SHTN1: variants seen among roughly 807,000 people sequenced by gnomAD.
The protein encoded by SHTN1 is shootin 1.
Under a neutral mutation model 83.1 loss-of-function variants are expected in SHTN1, and 42 were observed. The ratio of observed to expected loss-of-function variants is 0.51; its 90% CI spans 0.39 to 0.65. The LOEUF (loss-of-function observed/expected upper bound fraction) is 0.65, where lower values mean the gene tolerates loss of function less well. SHTN1 is among the 30% of genes least tolerant of loss of function. The probability of loss-of-function intolerance (pLI) is 0.00; values close to 1 mark genes in which losing one functional copy is unlikely to be tolerated. For missense variants in SHTN1, 622 were observed against 737.8 expected (o/e 0.84, Z 1.82); for synonymous variants, 224 against 247.7 (o/e 0.90, Z 0.90).
chr10:116,904,712 A>G (rs976954867), intron 15 of SHTN1, among the ~76,000 whole-genome samples: 4 of 152,214 alleles, frequency 2.6e-5, no homozygotes, highest in Non-Finnish European at 5.9e-5. Flanking sequence ...GAATTATTCA[A>G]ATTTCTATAT....
At chr10:117,005,200 G>GC, upstream of SHTN1, 1 of 1,523,956 alleles carries the variant, frequency 6.6e-7, no homozygotes, top group Non-Finnish European at 8.8e-7. Context: ...AGTTGGATCC[G>GC]CTCCCGCTCC....
At chr10:117,111,217 GAC>G (rs1385373803) in intron 1 of SHTN1, among the ~76,000 whole-genome samples, 2 of 151,984 alleles carry the variant, frequency 1.3e-5, no homozygotes, top group Non-Finnish European at 2.9e-5. Flanking sequence ...GAAAACAAAA[GAC>G]ACAGATTGCT....
chr10:116,924,746 A>ATTTTTTTTTTT lies in SHTN1; in HGVS notation c.1112+3035_1112+3045dup, dbSNP rs201343735. On this transcript the variant is annotated intron_variant, in intron 11 of 16. Coordinates refer to ENST00000355371, the MANE Select transcript of SHTN1 (RefSeq NM_001127211.3). ...ACATTTCAGTGGAGAATTTTCACCT[A>ATTTTTTTTTTT]TTTTTTTTTTTTTTTTTTTTTTTTT... Among the ~76,000 whole-genome samples, 4 of 89,538 alleles carry ATTTTTTTTTTT rather than the reference A, an allele frequency of 4.5e-5. No individual in the cohort carries two copies. The South Asian group carries it at 1.7e-3, about 39-fold the overall frequency. 58.7% of individuals were successfully genotyped at this position (89,538 alleles called of 152,430 possible).
intron 1 of SHTN1, among the ~76,000 whole-genome samples, chr10:116,983,691 CATACAT>C (rs1564913748): frequency 4.4e-4 from 6 of 13,568 alleles, no homozygotes; most frequent in South Asian, 3.5e-3. Flanking sequence ...TAGATAAATA[CATACAT>C]ACATACATAC....
intron 1 of SHTN1, among the ~76,000 whole-genome samples, chr10:117,102,696 GA>G (rs902834385): frequency 6.6e-6 from 1 of 151,912 alleles, no homozygotes; most frequent in Non-Finnish European, 1.5e-5. Flanking sequence ...AAAGGCAGGT[GA>G]AAAAGTTAAC....
intron 1 of SHTN1, among the ~76,000 whole-genome samples, chr10:117,122,618 T>C (rs1375025246): frequency 6.6e-6 from 1 of 152,226 alleles, no homozygotes; most frequent in Non-Finnish European, 1.5e-5. Context: ...GACAATACTT[T>C]TAAGGATATA....
chr10:117,035,230 G>A (rs972035783), intron 2 of SHTN1, among the ~76,000 whole-genome samples: 2 of 152,134 alleles, frequency 1.3e-5, no homozygotes, highest in African/African-American at 2.4e-5. Context: ...AACATACACT[G>A]GGGAAAAGAC....
chr10:117,119,552 C>T (rs909167400), intron 1 of SHTN1, among the ~76,000 whole-genome samples: 3 of 152,096 alleles, frequency 2.0e-5, no homozygotes, highest in East Asian at 1.9e-4. Flanking sequence ...CAAATACTGG[C>T]GAGGATGTGG....
intron 3 of SHTN1, among the ~76,000 whole-genome samples, chr10:116,964,902 G>T (rs1850334795): frequency 1.3e-5 from 2 of 152,034 alleles, no homozygotes; most frequent in Non-Finnish European, 2.9e-5. Context: ...GGAGGCGGAG[G>T]TTGCAGTGGG....
intron 2 of SHTN1, among the ~76,000 whole-genome samples, chr10:117,020,740 T>G (rs1852249138): frequency 6.6e-6 from 1 of 152,050 alleles, no homozygotes; most frequent in Admixed American, 6.5e-5. Flanking sequence ...CAGCATCTTC[T>G]CAACCTGAGG....
chr10:116,958,850 T>C (rs1303770734), intron 4 of SHTN1, among the ~76,000 whole-genome samples: 1 of 152,112 alleles, frequency 6.6e-6, no homozygotes, highest in African/African-American at 2.4e-5. Flanking sequence ...ATGCCCAAAA[T>C]TACATAACCA....
intron 1 of SHTN1, among the ~76,000 whole-genome samples, chr10:117,064,524 G>A (rs1175508841): frequency 6.6e-6 from 1 of 151,950 alleles, no homozygotes; most frequent in African/African-American, 2.4e-5. Flanking sequence ...GTGTGGTGGT[G>A]GGCGCCTGTA....
intron 1 of SHTN1, among the ~76,000 whole-genome samples, chr10:116,992,848 T>C (rs1466285483): frequency 6.6e-6 from 1 of 152,064 alleles, no homozygotes; most frequent in Non-Finnish European, 1.5e-5. Context: ...TTACAATGCA[T>C]TTTTGAGGCC....
chr10:116,957,136 C>G (rs980121293), intron 4 of SHTN1, among the ~76,000 whole-genome samples: 2 of 151,740 alleles, frequency 1.3e-5, no homozygotes, highest in Admixed American at 1.3e-4. Context: ...TTTGAGAATT[C>G]TGAATTCACA....
In SHTN1 at chr10:116,886,323, G is replaced by A. The variant is rs17095398; in HGVS notation, c.*21C>T. 197,930 of 1,551,896 alleles carry A rather than the reference G, an allele frequency of 0.13. 13,878 individuals are homozygous for A. Among genetic ancestry groups the A allele is most frequent in the South Asian group, 0.15 (12,465 of 84,072 alleles). On this transcript the variant is annotated 3_prime_UTR_variant, in exon 17 of 17. Coordinates refer to ENST00000355371, the MANE Select transcript of SHTN1 (RefSeq NM_001127211.3). ...CTTATTGAAAAGGACTTCCAAACATGTCAGGCTTCTGGTTTATGGATCAGC... is the reference window on the plus strand; with the variant it reads ...CTTATTGAAAAGGACTTCCAAACATATCAGGCTTCTGGTTTATGGATCAGC...
intron 2 of SHTN1, among the ~76,000 whole-genome samples, chr10:117,036,921 C>CA (rs970642935): frequency 1.3e-5 from 2 of 151,908 alleles, no homozygotes; most frequent in Admixed American, 6.6e-5. Context: ...TATGTATGCA[C>CA]AAAAAACAAT....
At chr10:117,036,589 T>C (rs1053849382) in intron 2 of SHTN1, among the ~76,000 whole-genome samples, 1 of 152,014 alleles carries the variant, frequency 6.6e-6, no homozygotes, top group Admixed American at 6.6e-5. Context: ...CTCAAAACAA[T>C]TGAACTCATG....
intron 16 of SHTN1, among the ~76,000 whole-genome samples, chr10:116,896,627 GGTGATTAAAATGGGTCAC>G (rs987596351): frequency 6.6e-6 from 1 of 152,156 alleles, no homozygotes; most frequent in African/African-American, 2.4e-5. Context: ...TGAATATAGT[GGTGATTAAAATGGGTCAC>G]GTCATCTTTT....
chr10:117,038,068 ACGTAAAAC>A (rs1165415633), intron 2 of SHTN1, among the ~76,000 whole-genome samples: 2 of 151,850 alleles, frequency 1.3e-5, no homozygotes, highest in Non-Finnish European at 2.9e-5. Context: ...TAAATGTAAA[ACGTAAAAC>A]CATAAAACTC....
Sources: allele counts gnomAD v4.1 joint callset (sites outside exome capture counted in the v4.1 genomes callset), GRCh38; gene constraint gnomAD v4.1.1; transcripts MANE v1.5; gene names NCBI Gene and HGNC (gene_info 2026-07-23, HGNC 2026-07-21).